Variants in CUX1 observed in about 807,000 individuals in gnomAD.
CUX1 encodes protein CASP.
CUX1 carries 31 observed loss-of-function variants against 158.8 expected under a neutral mutation model. That is an observed-to-expected ratio of 0.20 (90% CI 0.15 to 0.26). The LOEUF (loss-of-function observed/expected upper bound fraction) is 0.26. CUX1 is among the 10% of genes least tolerant of loss of function. The pLI, the probability that CUX1 is intolerant of heterozygous loss-of-function variation, is 1.00. For synonymous variants in CUX1, 879 were observed against 862.1 expected, an observed-to-expected ratio of 1.02 and a Z score of -0.34; for missense variants, 1,589 against 2,014.6, an observed-to-expected ratio of 0.79 and a Z score of 4.04.
upstream of CUX1, chr7:101,817,063 T>C: frequency 1.0e-6 from 1 of 984,000 alleles, no homozygotes; most frequent in Non-Finnish European, 1.2e-6. This position sits in a 1 kb window ranked among gnomAD's most constrained non-coding sequence, Gnocchi z 4.1. Context: ...TGGGGAAACT[T>C]GGCGAGGGGC....
At chr7:102,149,458 T>A (rs543781222) in intron 8 of CUX1, among the ~76,000 whole-genome samples, 14 of 117,612 alleles carry the variant, frequency 1.2e-4, no homozygotes, top group African/African-American at 4.6e-4. Context: ...GTGCAGGGTG[T>A]ATTCCTGTGT....
intron 4 of CUX1, among the ~76,000 whole-genome samples, chr7:102,073,715 A>G (rs1281161663): frequency 6.6e-6 from 1 of 152,208 alleles, no homozygotes; most frequent in Non-Finnish European, 1.5e-5. Context: ...AATTTTGATC[A>G]TAGCATGGGT....
At chr7:102,086,130 A>G (rs1827932043) in intron 4 of CUX1, among the ~76,000 whole-genome samples, 1 of 152,122 alleles carries the variant, frequency 6.6e-6, no homozygotes, top group African/African-American at 2.4e-5. Context: ...ACTTCCTGAC[A>G]TTAGAATTTG....
chr7:101,955,932 C>T (rs1809710634), intron 2 of CUX1, among the ~76,000 whole-genome samples: 1 of 151,958 alleles, frequency 6.6e-6, no homozygotes, highest in African/African-American at 2.4e-5. Context: ...GCCTGTAATC[C>T]TAGCACTTTG....
chr7:102,254,585 A>G lies in CUX1; in HGVS notation c.*5543A>G. 1 of 985,374 alleles carries G rather than the reference A, an allele frequency of 1.0e-6. No homozygotes were observed. The highest frequency in any genetic ancestry group is 6.1e-5 in the Admixed American group (1 of 16,274). 61.0% of individuals were successfully genotyped at this position (985,374 alleles called of 1,614,324 possible). On this transcript the variant is annotated 3_prime_UTR_variant, in exon 24 of 24. Coordinates refer to ENST00000292535, the MANE Select transcript of CUX1 (RefSeq NM_181552.4). ...GGGCCAAAGTGTTCCCCTGCTGGAG[A>G]CAGTTTGCAAGTAAGAACCTAAGGA...
intron 2 of CUX1, among the ~76,000 whole-genome samples, chr7:101,984,832 T>C (rs1371980869): frequency 1.2e-4 from 18 of 152,242 alleles, no homozygotes; most frequent in Non-Finnish European, 5.9e-5. Context: ...CAAACAGTTT[T>C]GCAAGGTATT....
intron 1 of CUX1, among the ~76,000 whole-genome samples, chr7:101,887,007 CAT>C (rs1800295826): frequency 6.6e-6 from 1 of 152,208 alleles, no homozygotes; most frequent in Admixed American, 6.5e-5. Context: ...CAGAGCAACA[CAT>C]ACCATTGCCC....
intron 1 of CUX1, among the ~76,000 whole-genome samples, chr7:101,826,704 G>T (rs1385720361): frequency 1.3e-5 from 2 of 152,150 alleles, no homozygotes. Flanking sequence ...TGGGCAGGGG[G>T]CGCCCACTGA....
chr7:102,195,459 G>A (rs782525863), intron 13 of CUX1, 48 bp from the exon 14 acceptor site: 22 of 1,506,300 alleles, frequency 1.5e-5, no homozygotes, highest in Non-Finnish European at 1.8e-5. Flanking sequence ...CCCCGGGAGC[G>A]GGTGAGTGGC....
Position 102,258,129 on chromosome 7 carries a change from T to C in CUX1, c.*9087T>C, listed in dbSNP as rs1790103646. 9 of 985,152 alleles carry C rather than the reference T, an allele frequency of 9.1e-6. 1 individual carries two copies. In the South Asian group the frequency reaches 3.8e-4, roughly 41 times the overall value. 61.0% of individuals were successfully genotyped at this position (985,152 alleles called of 1,614,324 possible). ...TCAGCACTGTACAACGGTCCCTATA[T>C]AATACGGAGAAGCAATATCACTGTA... On this transcript the variant is annotated 3_prime_UTR_variant, in exon 24 of 24. Transcript: ENST00000292535.
exon 22 of CUX1, chr7:102,282,758 C>A: frequency 8.1e-6 from 13 of 1,613,374 alleles, no homozygotes; most frequent in Non-Finnish European, 1.1e-5. Flanking sequence ...AGGGACTGTG[C>A]CACCTTCTGC....
chr7:102,243,047 G>A (rs560036593), intron 23 of CUX1, among the ~76,000 whole-genome samples: 63 of 152,302 alleles, frequency 4.1e-4, no homozygotes, highest in African/African-American at 1.3e-3. Flanking sequence ...GCCAAGGCGG[G>A]TGGATCACTT....
intron 5 of CUX1, among the ~76,000 whole-genome samples, chr7:102,102,289 T>C (rs1380672458): frequency 1.3e-5 from 2 of 151,754 alleles, no homozygotes; most frequent in African/African-American, 4.8e-5. Context: ...TAGCCAGGTG[T>C]GGTGCGCGCC....
intron 3 of CUX1, among the ~76,000 whole-genome samples, chr7:102,058,744 G>T (rs904502025): frequency 6.6e-6 from 1 of 152,144 alleles, no homozygotes; most frequent in Non-Finnish European, 1.5e-5. Context: ...CAACAATGGT[G>T]ATGTGAAAAT....
At chr7:101,920,206 C>A (rs1007756260) in intron 2 of CUX1, among the ~76,000 whole-genome samples, 6 of 151,946 alleles carry the variant, frequency 3.9e-5, no homozygotes, top group Non-Finnish European at 7.4e-5. Flanking sequence ...ACTGCAACTT[C>A]CACCTTCTGT....
intron 21 of CUX1, among the ~76,000 whole-genome samples, chr7:102,232,941 C>G (rs991364359): frequency 6.6e-6 from 1 of 152,298 alleles, no homozygotes; most frequent in Middle Eastern, 3.4e-3. Context: ...CTGGGCAGCT[C>G]CCTCTCCTCT....
At chr7:102,223,152 G>A (rs1166668867) in intron 20 of CUX1, among the ~76,000 whole-genome samples, 1 of 151,928 alleles carries the variant, frequency 6.6e-6, no homozygotes, top group Middle Eastern at 3.2e-3. Flanking sequence ...GCCGGGCACA[G>A]TGGCTCACAC....
At chr7:102,164,848 G>A (rs446513) in intron 9 of CUX1, among the ~76,000 whole-genome samples, 10,065 of 152,188 alleles carry the variant, frequency 0.066, 387 homozygotes, top group African/African-American at 0.083. Context: ...CCTCAAGCCT[G>A]AGTTTTAATG....
At chr7:101,895,909 T>G (rs1431952439) in intron 1 of CUX1, among the ~76,000 whole-genome samples, 2 of 42,996 alleles carry the variant, frequency 4.7e-5, no homozygotes, top group Non-Finnish European at 8.7e-5. Context: ...TTTGTTTTTG[T>G]TTTTTTTTTT....
Sources: allele counts gnomAD v4.1 joint callset (sites outside exome capture counted in the v4.1 genomes callset), GRCh38; gene constraint gnomAD v4.1.1; non-coding constraint Gnocchi (gnomAD v3.1); transcripts MANE v1.5; gene names NCBI Gene and HGNC (gene_info 2026-07-23, HGNC 2026-07-21).